Variants in TAMM41 observed in about 807,000 individuals in gnomAD.
The protein encoded by TAMM41 is TAM41 mitochondrial translocator assembly and maintenance homolog, also known as phosphatidate cytidylyltransferase, mitochondrial.
In TAMM41, 36 loss-of-function variants were observed where a neutral mutation model predicts 44.1. The observed-to-expected ratio is 0.82, with a 90% CI of 0.63 to 1.08. The LOEUF is 1.08. Among genes scored for constraint, TAMM41 ranks in the 50% least tolerant of loss-of-function variants. TAMM41 has a pLI of 0.00. For synonymous variants in TAMM41, 164 were observed against 153.1 expected (o/e 1.07, Z -0.53); for missense variants, 417 against 404.3 (o/e 1.03, Z -0.27).
chr3:11,828,501 T>G (rs1212544492), intron 4 of TAMM41, among the ~76,000 whole-genome samples: 1 of 152,176 alleles, frequency 6.6e-6, no homozygotes, highest in Non-Finnish European at 1.5e-5. Flanking sequence ...AAGTCAGCTT[T>G]CATAAAAGGC....
At chr3:11,807,415 C>A in intron 7 of TAMM41, 1 of 1,529,496 alleles carries the variant, frequency 6.5e-7, no homozygotes, top group Non-Finnish European at 8.7e-7. Flanking sequence ...GAAAACTTAC[C>A]ATTTAGAGAA....
intron 6 of TAMM41, chr3:11,808,640 T>C (rs1332587303): frequency 8.1e-6 from 8 of 983,748 alleles, no homozygotes; most frequent in African/African-American, 3.5e-5. Context: ...CTCAATTTCA[T>C]AAATATTTCT....
At chr3:11,845,015 G>A (rs993306106) in intron 1 of TAMM41, 3 of 456,336 alleles carry the variant, frequency 6.6e-6, no homozygotes, top group African/African-American at 6.0e-5. Flanking sequence ...GGAAGCACAG[G>A]GAAGGGTAGG....
the TAMM41 span, among the ~76,000 whole-genome samples, chr3:11,763,227 C>T: frequency 1.3e-5 from 2 of 152,110 alleles, no homozygotes; most frequent in Non-Finnish European, 2.9e-5. Flanking sequence ...CAGCCTTGAC[C>T]CCTTGGGCTC....
At chr3:11,784,808 T>C in the TAMM41 span, among the ~76,000 whole-genome samples, 1 of 148,840 alleles carries the variant, frequency 6.7e-6, no homozygotes, top group South Asian at 2.1e-4. Flanking sequence ...TTTTTTTTTT[T>C]TTTTTTTTTG....
At chr3:11,741,503 G>A in the TAMM41 span, among the ~76,000 whole-genome samples, 8 of 149,774 alleles carry the variant, frequency 5.3e-5, no homozygotes, top group Non-Finnish European at 1.0e-4. Context: ...GACCCCCAGA[G>A]GATGCCTGAA....
At chr3:11,730,139 T>C in the TAMM41 span, among the ~76,000 whole-genome samples, 21 of 152,184 alleles carry the variant, frequency 1.4e-4, no homozygotes, top group Middle Eastern at 3.4e-3. Context: ...ATCCCAGCAC[T>C]TTGGGGCACG....
At chr3:11,787,576 T>C (rs1453233651), downstream of TAMM41, among the ~76,000 whole-genome samples, 1 of 152,204 alleles carries the variant, frequency 6.6e-6, no homozygotes, top group Non-Finnish European at 1.5e-5. Context: ...CTAGACTGAC[T>C]AATATATGAG....
At chr3:11,827,452 G>A (rs559275408) in intron 4 of TAMM41, among the ~76,000 whole-genome samples, 5 of 151,670 alleles carry the variant, frequency 3.3e-5, no homozygotes, top group South Asian at 2.1e-4. Context: ...TGGGATTACA[G>A]GCATGCACCA....
chr3:11,757,148 G>A, the TAMM41 span, among the ~76,000 whole-genome samples: 1 of 152,184 alleles, frequency 6.6e-6, no homozygotes. Flanking sequence ...AGGTCACTGA[G>A]CTGAATCTGT....
chr3:11,833,033 T>C, intron 3 of TAMM41: 1 of 1,105,566 alleles, frequency 9.0e-7, no homozygotes, highest in Non-Finnish European at 1.1e-6. Flanking sequence ...CGGAAGATTC[T>C]GCTACTGTGC....
At chr3:11,775,155 C>G in the TAMM41 span, among the ~76,000 whole-genome samples, 3 of 152,140 alleles carry the variant, frequency 2.0e-5, no homozygotes, top group Non-Finnish European at 4.4e-5. Context: ...CATGAGCCAC[C>G]GCGCCTGGCC....
intron 6 of TAMM41, chr3:11,808,586 G>A: frequency 2.0e-6 from 2 of 985,476 alleles, no homozygotes; most frequent in South Asian, 4.7e-5. Flanking sequence ...AATATTTACT[G>A]AATGAAAACA....
chr3:11,733,004 G>T, the TAMM41 span, among the ~76,000 whole-genome samples: 34,775 of 76,588 alleles, frequency 0.45, 5,258 homozygotes, highest in East Asian at 0.6. Flanking sequence ...TTTTTTGTTT[G>T]TTTGTTTGTT....
chr3:11,744,410 G>A, the TAMM41 span, among the ~76,000 whole-genome samples: 15 of 151,932 alleles, frequency 9.9e-5, no homozygotes, highest in African/African-American at 3.6e-4. Context: ...AAAGTTAATG[G>A]CAGCCGGGCA....
At chr3:11,742,449 C>T in the TAMM41 span, among the ~76,000 whole-genome samples, 1 of 150,414 alleles carries the variant, frequency 6.6e-6, no homozygotes, top group South Asian at 2.1e-4. Flanking sequence ...AGGAATCCTC[C>T]ATGGGATGGA....
the TAMM41 span, among the ~76,000 whole-genome samples, chr3:11,731,384 A>G: frequency 7.2e-5 from 11 of 152,068 alleles, no homozygotes; most frequent in Admixed American, 6.6e-4. Context: ...AGTCCCAGCT[A>G]CTTGGGAGGC....
the TAMM41 span, among the ~76,000 whole-genome samples, chr3:11,752,133 C>A: frequency 6.6e-6 from 1 of 152,102 alleles, no homozygotes; most frequent in Admixed American, 6.6e-5. Flanking sequence ...AAGCTGCGGA[C>A]CTTCGCGGCG....
intron 5 of TAMM41, among the ~76,000 whole-genome samples, chr3:11,815,295 G>A (rs942622531): frequency 1.3e-5 from 2 of 152,174 alleles, no homozygotes; most frequent in African/African-American, 4.8e-5. Context: ...GGAAGGTGGA[G>A]GAGTGCGGCT....
Sources: gnomAD v4.1 joint callset for allele counts (sites outside exome capture counted in the v4.1 genomes callset) on GRCh38, gnomAD v4.1.1 for gene constraint, MANE v1.5 for transcripts, NCBI Gene and HGNC (gene_info 2026-07-23, HGNC 2026-07-21) for gene names.